Variants in CCDC3 observed in about 807,000 individuals in gnomAD.
CCDC3 encodes coiled-coil domain containing 3.
Under a neutral mutation model 21.4 loss-of-function variants are expected in CCDC3, and 24 were observed. The observed-to-expected ratio is 1.12, with a 90% CI of 0.81 to 1.58. The LOEUF is 1.58. CCDC3 is among the 40% of genes most tolerant of loss of function. The probability of loss-of-function intolerance (pLI) is 0.00; values close to 1 mark genes in which losing one functional copy is unlikely to be tolerated. For missense variants in CCDC3, 425 were observed against 360.9 expected, an observed-to-expected ratio of 1.18 and a Z score of -1.44; for synonymous variants, 186 against 166.0, an observed-to-expected ratio of 1.12 and a Z score of -0.93.
intron 2 of CCDC3, among the ~76,000 whole-genome samples, chr10:12,910,890 C>T (rs1206742748): frequency 6.6e-6 from 1 of 152,138 alleles, no homozygotes; most frequent in East Asian, 1.9e-4. Context: ...CCACAGAGCC[C>T]GGCCAAGGGC....
Position 13,052,938 on chromosome 10 carries a change from T to TCACACACACA in CCDC3, c.-269-3007_-269-2998dup, listed in dbSNP as rs56261341. ...GCCTGGGCAGTAGATTGAGACTCTG[T>TCACACACACA]CACACACACACACACACACACACAC... On this transcript the variant is annotated intron_variant, in intron 4 of 6. Transcript: ENST00000378839. Among the ~76,000 whole-genome samples the TCACACACACA allele has an allele frequency of 2.2e-4, 30 of 134,434 alleles. 1 individual carries two copies. Among genetic ancestry groups the TCACACACACA allele is most frequent in the East Asian group, 4.5e-4 (2 of 4,430 alleles). The allele number at this position is 134,434 out of a possible 152,430, so 88.2% of individuals were successfully genotyped here.
intron 2 of CCDC3, among the ~76,000 whole-genome samples, chr10:12,926,665 C>T (rs1246667023): frequency 6.6e-6 from 1 of 152,160 alleles, no homozygotes; most frequent in Non-Finnish European, 1.5e-5. Flanking sequence ...GAGATTAAAG[C>T]AAGACCCAAC....
rs77137703 is a variant in CCDC3, at chr10:12,919,599, A to G, written c.550-20920T>C. Among the ~76,000 whole-genome samples, 183 of 151,736 alleles carry G rather than the reference A, an allele frequency of 1.2e-3. 4 individuals carry two copies. The East Asian group carries it at 0.03, about 25-fold the overall frequency. ...AGCAAGACTGTCTAAAAAAAAAAAA[A>G]AAAAAGAAATGAGTACTATTTTAAG... On this transcript the variant is annotated intron_variant, in intron 2 of 2. Transcript: ENST00000378825.
chr10:12,975,073 G>C, intron 2 of CCDC3, among the ~76,000 whole-genome samples: 1 of 152,146 alleles, frequency 6.6e-6, no homozygotes, highest in South Asian at 2.1e-4. Context: ...CAGGAGTCTC[G>C]TCCATGCCAA....
intron 2 of CCDC3, among the ~76,000 whole-genome samples, chr10:12,945,892 C>T (rs907184968): frequency 6.6e-6 from 1 of 152,162 alleles, no homozygotes; most frequent in African/African-American, 2.4e-5. Flanking sequence ...ATAGCTAACA[C>T]CTTCTGCTGC....
chr10:13,001,175 G>A (rs1170514363), intron 1 of CCDC3, 22 bp downstream of exon 1: 1 of 1,542,992 alleles, frequency 6.5e-7, no homozygotes, highest in Admixed American at 2.0e-5. Flanking sequence ...GAGAGAGGTG[G>A]CGGCGGCGCC....
intron 3 of CCDC3, among the ~76,000 whole-genome samples, chr10:13,078,573 C>G (rs1052036786): frequency 6.6e-6 from 1 of 152,092 alleles, no homozygotes; most frequent in Admixed American, 6.5e-5. Context: ...ATGTTTATTG[C>G]GGCACTATTC....
chr10:12,965,942 G>C (rs1409384660), intron 2 of CCDC3, among the ~76,000 whole-genome samples: 4 of 152,196 alleles, frequency 2.6e-5, no homozygotes, highest in Non-Finnish European at 2.9e-5. Flanking sequence ...TCTTGTGAAA[G>C]TGAATAAGGA....
Position 12,898,501 on chromosome 10 carries a change from T to C in CCDC3, c.728A>G (p.Gln243Arg), listed in dbSNP as rs745343750. ...KKGRHLELAN[Q>R]KLSEKLAAGA... ...CGCCGCCAGCTTCTCACTGAGTTTC[T>C]GGTTCGCCAGCTCCAGGTGGCGGCC... Residue 243 changes from glutamine to arginine, a missense_variant, in exon 3 of 3, where the codon CAG becomes CGG. By Grantham distance (43) the Gln-to-Arg change is conservative. Transcript: ENST00000378825. 3.1e-6 allele frequency: 5 copies of C among 1,613,984 alleles called. No homozygotes were observed. In the African/African-American group the frequency reaches 5.3e-5, roughly 17 times the overall value.
chr10:12,898,419 C>T lies in CCDC3; in HGVS notation c.810G>A (p.Gly270=). 8.8e-6 allele frequency: 14 copies of T among 1,598,028 alleles called. No individual in the cohort carries two copies. The highest frequency in any genetic ancestry group is 1.2e-5 in the Non-Finnish European group (14 of 1,170,578). Residue 270 remains glycine (G), a synonymous_variant, in exon 3 of 3, where the codon GGG becomes GGA. Transcript: ENST00000378825. ...RGPVRPPYLR[G] Reference sequence around the variant, plus strand: ...CACCTGGCAGCCCCCAGGCCCGTTACCCCCGCAGGTAGGGGGGGCGCACGG... The same window carrying T: ...CACCTGGCAGCCCCCAGGCCCGTTATCCCCGCAGGTAGGGGGGGCGCACGG...
chr10:13,092,679 G>C (rs1403386615), intron 3 of CCDC3, among the ~76,000 whole-genome samples: 1 of 152,168 alleles, frequency 6.6e-6, no homozygotes, highest in Admixed American at 6.5e-5. Context: ...AATAACACAG[G>C]GGTGACCAGT....
chr10:12,991,325 G>A, intron 2 of CCDC3, among the ~76,000 whole-genome samples: 1 of 148,804 alleles, frequency 6.7e-6, no homozygotes, highest in South Asian at 2.1e-4. Context: ...TTGTTGTTTT[G>A]TTTTTTTTTC....
intron 5 of CCDC3, among the ~76,000 whole-genome samples, chr10:13,028,905 T>C (rs952312330): frequency 1.3e-5 from 2 of 152,180 alleles, no homozygotes; most frequent in Non-Finnish European, 2.9e-5. Flanking sequence ...GGAAGCACAG[T>C]GCTTCCCTCC....
intron 3 of CCDC3, among the ~76,000 whole-genome samples, chr10:13,093,321 G>A (rs1360803235): frequency 2.6e-5 from 4 of 152,076 alleles, no homozygotes; most frequent in African/African-American, 4.8e-5. Context: ...ATCACATCTC[G>A]TGAGACTTAT....
intron 2 of CCDC3, among the ~76,000 whole-genome samples, chr10:12,931,154 C>T (rs1298077774): frequency 3.7e-5 from 5 of 135,580 alleles, no homozygotes; most frequent in East Asian, 4.4e-4. Flanking sequence ...GAGGTTACAG[C>T]GAGCTGAGAT....
intron 2 of CCDC3, chr10:12,924,764 A>G (rs911727567): frequency 2.0e-5 from 3 of 152,218 alleles, no homozygotes; most frequent in Non-Finnish European, 2.9e-5. Context: ...GATCAGGTGC[A>G]TTCAGGGTGC....
intron 3 of CCDC3, among the ~76,000 whole-genome samples, chr10:13,091,820 C>CAAAA: frequency 7.9e-6 from 1 of 127,354 alleles, no homozygotes; most frequent in Non-Finnish European, 1.6e-5. Context: ...AAGCCCAATC[C>CAAAA]AAAAAAAAAA....
intron 2 of CCDC3, among the ~76,000 whole-genome samples, chr10:12,940,380 G>A (rs1281566328): frequency 1.3e-5 from 2 of 152,068 alleles, no homozygotes; most frequent in Non-Finnish European, 2.9e-5. Context: ...GAAAAGATCA[G>A]CAAGAACCTC....
rs543893110 is a variant in CCDC3 at position 13,074,325 on chromosome 10, ATTTTTTTTTTTTTTTTTTTTTTTTT to A, written c.-502-250_-502-226del. ...GGCATGCACCACCATATCCCGGCTA[ATTTTTTTTTTTTTTTTTTTTTTTTT>A]TTTTTTTTTTTTTGTAGTAGAGACG... On this transcript the variant is annotated intron_variant, in intron 3 of 6. Coordinates refer to the CCDC3 transcript ENST00000378839. Among the ~76,000 whole-genome samples, 4 of 62,796 alleles carry A rather than the reference ATTTTTTTTTTTTTTTTTTTTTTTTT, an allele frequency of 6.4e-5. No individual in the cohort carries two copies. The Admixed American group carries it at 9.3e-4, about 15-fold the overall frequency. 41.2% of individuals were successfully genotyped at this position (62,796 alleles called of 152,430 possible). A position where few individuals can be genotyped will look rare whatever the true frequency, so the allele number is the denominator to read the frequency against.
Sources: allele counts gnomAD v4.1 joint callset (sites outside exome capture counted in the v4.1 genomes callset), GRCh38; gene constraint gnomAD v4.1.1; transcripts MANE v1.5; gene names NCBI Gene and HGNC (gene_info 2026-07-23, HGNC 2026-07-21).